The following ZCWPW2 variants were observed in gnomAD, a reference collection of about 807,000 sequenced individuals.
ZCWPW2 encodes the protein zinc finger CW-type PWWP domain protein 2.
ZCWPW2 carries 45 observed loss-of-function variants against 46.6 expected under a neutral mutation model. The ratio of observed to expected loss-of-function variants is 0.96; its 90% CI spans 0.76 to 1.24. The LOEUF (loss-of-function observed/expected upper bound fraction) is 1.24, where lower values mean the gene tolerates loss of function less well. Ranked by LOEUF, ZCWPW2 falls within the 50% of genes most tolerant of loss-of-function variation. ZCWPW2 has a pLI of 0.00. For missense variants in ZCWPW2, 429 were observed against 403.9 expected, an observed-to-expected ratio of 1.06 and a Z score of -0.53; for synonymous variants, 152 against 137.1, an observed-to-expected ratio of 1.11 and a Z score of -0.76.
chr3:28,490,272 G>T (rs774104864), intron 5 of ZCWPW2, among the ~76,000 whole-genome samples: 2 of 152,100 alleles, frequency 1.3e-5, no homozygotes, highest in Non-Finnish European at 2.9e-5. Flanking sequence ...ATTTTTCAAA[G>T]AACTTAAAAC....
intron 4 of ZCWPW2, among the ~76,000 whole-genome samples, chr3:28,468,588 A>G (rs1258152161): frequency 6.6e-6 from 1 of 152,178 alleles, no homozygotes; most frequent in Non-Finnish European, 1.5e-5. Flanking sequence ...AACAAATAAC[A>G]AACAATGGTA....
intron 4 of ZCWPW2, chr3:28,461,061 T>C (rs1179296812): frequency 9.0e-6 from 2 of 222,864 alleles, no homozygotes; most frequent in Middle Eastern, 7.3e-4. Context: ...TACCAATGAA[T>C]TTTTGAAGCT....
chr3:28,390,847 A>G (rs2125717661), intron 2 of ZCWPW2, among the ~76,000 whole-genome samples: 2 of 152,310 alleles, frequency 1.3e-5, no homozygotes, highest in African/African-American at 4.8e-5. Context: ...ACACTTTCTG[A>G]CTTTGAAGTG....
chr3:28,384,647 C>G (rs549457207), intron 1 of ZCWPW2, among the ~76,000 whole-genome samples: 10 of 146,282 alleles, frequency 6.8e-5, no homozygotes, highest in African/African-American at 2.5e-4. Flanking sequence ...GTGTCTCACT[C>G]TGTCACCCAG....
chr3:28,436,135 G>T (rs768000926), intron 4 of ZCWPW2, among the ~76,000 whole-genome samples: 3 of 151,940 alleles, frequency 2.0e-5, no homozygotes, highest in African/African-American at 7.3e-5. Context: ...TCAAATTTAT[G>T]AGAATAGGTA....
chr3:28,413,223 T>C lies in ZCWPW2; in HGVS notation c.155T>C (p.Val52Ala). ...RLLSSEDSAK[V>A]DHDEPWYCFM... is the part of the protein sequence containing the mutation. ...TTATCAAGTGAGGATTCAGCCAAGG[T>C]TGATCATGATGAACCATGGTACTGC... Residue 52 changes from valine to alanine, a missense_variant, in exon 3 of 10, where the codon GTT becomes GCT. By Grantham distance (64) the Val-to-Ala change is moderately conservative. Transcript: ENST00000383768. 1.2e-6 allele frequency: 2 copies of C among 1,613,368 alleles called. No homozygotes were observed. The highest frequency in any genetic ancestry group is 1.7e-6 in the Non-Finnish European group (2 of 1,179,558).
intron 2 of ZCWPW2, among the ~76,000 whole-genome samples, chr3:28,404,824 T>C (rs1696095053): frequency 6.6e-6 from 1 of 152,094 alleles, no homozygotes; most frequent in Admixed American, 6.6e-5. Context: ...TGGGAGCTAA[T>C]CTATGAGGAT....
At chr3:28,355,513 T>C (rs1177628262) in intron 1 of ZCWPW2, among the ~76,000 whole-genome samples, 3 of 152,228 alleles carry the variant, frequency 2.0e-5, no homozygotes, top group Non-Finnish European at 4.4e-5. Context: ...AAAGTTCATA[T>C]GGAACCAAGA....
At chr3:28,428,854 G>C (rs531767386) in intron 3 of ZCWPW2, among the ~76,000 whole-genome samples, 1 of 152,236 alleles carries the variant, frequency 6.6e-6, no homozygotes, top group African/African-American at 2.4e-5. Flanking sequence ...GGATGTGTTT[G>C]CTTCCCCTTT....
At chr3:28,359,244 T>C (rs1385817346) in intron 1 of ZCWPW2, among the ~76,000 whole-genome samples, 1 of 152,178 alleles carries the variant, frequency 6.6e-6, no homozygotes, top group Non-Finnish European at 1.5e-5. Context: ...TTAAAATTAT[T>C]TGTAGCATTT....
intron 1 of ZCWPW2, among the ~76,000 whole-genome samples, chr3:28,359,686 A>T (rs1704867972): frequency 6.6e-6 from 1 of 152,126 alleles, no homozygotes; most frequent in Non-Finnish European, 1.5e-5. Flanking sequence ...TTTAGGAGAG[A>T]AAAAACTATA....
rs186225340 is a variant in ZCWPW2, at chr3:28,512,402, C to T, written c.658-1662C>T. Among the ~76,000 whole-genome samples the T allele has an allele frequency of 7.9e-5, 12 of 152,116 alleles. No individual in the cohort carries two copies. The East Asian group carries it at 1.4e-3, about 17-fold the overall frequency. On this transcript the variant is annotated intron_variant, in intron 6 of 9. Coordinates refer to ENST00000383768, the MANE Select transcript of ZCWPW2 (RefSeq NM_001040432.4). The stretch of plus-strand genomic sequence containing the variant: ...GTTTTGCCATGTTGAGCAGGCTAGT[C>T]TCAAATTCCTCACCTCTGATAATCA...
At chr3:28,412,265 G>A (rs1273220409) in intron 2 of ZCWPW2, among the ~76,000 whole-genome samples, 1 of 151,332 alleles carries the variant, frequency 6.6e-6, no homozygotes, top group Non-Finnish European at 1.5e-5. Flanking sequence ...GAATTTGGGG[G>A]CTTTGTTACA....
intron 1 of ZCWPW2, among the ~76,000 whole-genome samples, chr3:28,350,804 A>G (rs903039284): frequency 1.3e-5 from 2 of 151,910 alleles, no homozygotes; most frequent in Non-Finnish European, 2.9e-5. Context: ...CAGTCTTGAT[A>G]AGGACATTTT....
chr3:28,474,618 TGTGC>T (rs756097929), intron 4 of ZCWPW2, among the ~76,000 whole-genome samples: 295 of 146,522 alleles, frequency 2.0e-3, no homozygotes, highest in African/African-American at 5.0e-3. Flanking sequence ...TGTGTGTGTG[TGTGC>T]GCGCGCGCGC....
At chr3:28,417,818 C>G (rs1188093200) in intron 3 of ZCWPW2, among the ~76,000 whole-genome samples, 2 of 39,156 alleles carry the variant, frequency 5.1e-5, no homozygotes, top group Non-Finnish European at 1.0e-4. Flanking sequence ...TTCAAGAACT[C>G]TTCATGCTAA....
At chr3:28,499,693 C>T (rs1179730718) in intron 6 of ZCWPW2, among the ~76,000 whole-genome samples, 7 of 151,982 alleles carry the variant, frequency 4.6e-5, no homozygotes, top group Admixed American at 4.6e-4. Flanking sequence ...ATTGCCATTG[C>T]TTTTGGTGTT....
intron 5 of ZCWPW2, among the ~76,000 whole-genome samples, chr3:28,486,877 A>T (rs957551892): frequency 2.0e-5 from 3 of 152,052 alleles, no homozygotes; most frequent in Non-Finnish European, 4.4e-5. Flanking sequence ...AAGAAAAAAA[A>T]AAAAGGTAAT....
intron 1 of ZCWPW2, among the ~76,000 whole-genome samples, chr3:28,386,074 G>T (rs558908725): frequency 1.3e-5 from 2 of 151,956 alleles, no homozygotes; most frequent in African/African-American, 4.8e-5. Context: ...GTTATAAACT[G>T]AATGTTTGAG....
Sources: allele counts gnomAD v4.1 joint callset (sites outside exome capture counted in the v4.1 genomes callset), GRCh38; gene constraint gnomAD v4.1.1; transcripts MANE v1.5; gene names NCBI Gene and HGNC (gene_info 2026-07-23, HGNC 2026-07-21).